The following SON variants were observed in gnomAD, a reference collection of about 807,000 sequenced individuals.
The protein encoded by SON is protein SON.
SON carries 4 observed loss-of-function variants against 173.3 expected under a neutral mutation model. The ratio of observed to expected loss-of-function variants is 0.02; its 90% CI spans 0.01 to 0.05. The LOEUF is 0.05. Ranked by LOEUF, SON falls within the 10% of genes least tolerant of loss-of-function variation. The pLI is 1.00. For synonymous variants in SON, 1,190 were observed against 1,105.9 expected (o/e 1.08, Z -1.51); for missense variants, 2,626 against 3,055.3 (o/e 0.86, Z 3.31).
chr21:33,557,822 T>C, intron 4 of SON: 1 of 721,504 alleles, frequency 1.4e-6, no homozygotes, highest in Non-Finnish European at 2.1e-6. Context: ...GTACCAGCCA[T>C]TGGCGATAAT....
chr21:33,557,912 T>A (rs1420141372), intron 4 of SON: 2 of 217,922 alleles, frequency 9.2e-6, no homozygotes, highest in African/African-American at 2.3e-5. Flanking sequence ...TTTTTGTTTT[T>A]AAAAGTTTGA....
At chr21:33,567,594 T>C (rs1433664194) in intron 7 of SON, 1 of 216,048 alleles carries the variant, frequency 4.6e-6, no homozygotes, top group Non-Finnish European at 9.4e-6. Flanking sequence ...TATTAATAGT[T>C]GCCATATTTC....
In SON at chr21:33,553,049, A is replaced by G. The variant is rs770797378; in HGVS notation, c.3818A>G (p.His1273Arg). 49 of 1,612,750 alleles carry G rather than the reference A, an allele frequency of 3.0e-5. No individual in the cohort carries two copies. Among genetic ancestry groups the G allele is most frequent in the Middle Eastern group, 3.3e-4 (2 of 6,084 alleles). The change falls in exon 3 of 12, where the codon CAT becomes CGT. Residue 1273 changes from histidine to arginine, a missense_variant. Coordinates refer to ENST00000356577, the MANE Select transcript of SON (RefSeq NM_138927.4). ...GAGTCTGCAGTAGTAGCAGAAGAAC[A>G]TGAAGTTGTTCCAGAGAGACCAGTG... is the stretch of plus-strand genomic sequence containing the variant. Reference protein sequence around the residue: ...PVESAVVAEEHEVVPERPVTC... With the variant: ...PVESAVVAEEREVVPERPVTC...
chr21:33,560,086 T>G (rs2086043096), intron 6 of SON: 1 of 1,614,088 alleles, frequency 6.2e-7, no homozygotes, highest in Non-Finnish European at 8.5e-7. Context: ...ACTATTTAGC[T>G]TCCCGATTTG....
In SON at chr21:33,576,939, AGGG is replaced by A. The variant is rs2086414636; in HGVS notation, c.*516_*518del. 1 of 238,058 alleles carries A rather than the reference AGGG, an allele frequency of 4.2e-6. No individual in the cohort carries two copies. The allele number at this position is 238,058 out of a possible 1,614,324, so 14.7% of individuals were successfully genotyped here. ...TGTAACACTTGCCTGTAATCAGTGAAGGGCTGTGCACCTTGTACTATTTCACAA... is the reference window on the plus strand; with the variant it reads ...TGTAACACTTGCCTGTAATCAGTGAACTGTGCACCTTGTACTATTTCACAA... On this transcript the variant is annotated 3_prime_UTR_variant, in exon 12 of 12. Coordinates refer to ENST00000356577, the MANE Select transcript of SON (RefSeq NM_138927.4).
At chr21:33,568,537 C>A (rs1191687105) in intron 7 of SON, among the ~76,000 whole-genome samples, 2 of 152,148 alleles carry the variant, frequency 1.3e-5, no homozygotes, top group East Asian at 3.9e-4. Flanking sequence ...GGACAGTTTC[C>A]TACATTTAAA....
Position 33,550,551 on chromosome 21 carries a change from G to A in SON, c.1320G>A (p.Gly440=), listed in dbSNP as rs751968260. ...PPATAVPELP[G]PSVTPVPQLS... is the part of the protein sequence containing the mutation. Reference sequence around the variant, plus strand: ...CGACAGCAGTGCCTGAGTTGCCAGGGCCCTCTGTGACACCAGTGCCACAGT... The same window carrying A: ...CGACAGCAGTGCCTGAGTTGCCAGGACCCTCTGTGACACCAGTGCCACAGT... The change falls in exon 3 of 12, where the codon GGG becomes GGA. Residue 440 remains glycine, a synonymous_variant. Transcript: ENST00000356577. The A allele has an allele frequency of 6.8e-6, 11 of 1,613,988 alleles. No homozygotes were observed. The South Asian group carries it at 1.2e-4, about 18-fold the overall frequency.
chr21:33,560,588 A>G, intron 6 of SON: 1 of 934,566 alleles, frequency 1.1e-6, no homozygotes, highest in Non-Finnish European at 1.3e-6. Flanking sequence ...GTAAATATAT[A>G]TATATATCTG....
chr21:33,561,293 GAGAA>G, intron 6 of SON, among the ~76,000 whole-genome samples: 1 of 152,198 alleles, frequency 6.6e-6, no homozygotes, highest in South Asian at 2.1e-4. Flanking sequence ...TATCTCAAGA[GAGAA>G]AGGTTAACTG....
chr21:33,575,097 C>T (rs1029059184), intron 9 of SON, among the ~76,000 whole-genome samples: 4 of 152,040 alleles, frequency 2.6e-5, no homozygotes, highest in African/African-American at 9.7e-5. Flanking sequence ...CTGTCAGTGG[C>T]ACGATCTTTA....
intron 1 of SON, 39 bp from the exon 2 acceptor site, chr21:33,546,174 A>C (rs1018603383): frequency 6.5e-7 from 1 of 1,544,980 alleles, no homozygotes; most frequent in Non-Finnish European, 8.8e-7. Flanking sequence ...TAATGGTATG[A>C]TAAAATATTA....
Position 33,559,393 on chromosome 21 carries a change from A to G in SON, c.6468+17A>G. 1 of 1,590,868 alleles carries G rather than the reference A, an allele frequency of 6.3e-7. No homozygotes were observed. Among genetic ancestry groups the G allele is most frequent in the African/African-American group, 1.4e-5 (1 of 73,598 alleles). Reference sequence around the variant, plus strand: ...AATCTGAATGTGAGTATTAGTGCTTATGGATTGGTAAAACAGTGTAACTTG... The same window carrying G: ...AATCTGAATGTGAGTATTAGTGCTTGTGGATTGGTAAAACAGTGTAACTTG... On this transcript the variant is annotated intron_variant, in intron 5 of 11. Coordinates refer to ENST00000356577, the MANE Select transcript of SON (RefSeq NM_138927.4). The surrounding 1 kb of genome is among the most constrained non-coding windows in gnomAD (Gnocchi z 4.1).
At chr21:33,545,780 C>A (rs757417974) in intron 1 of SON, among the ~76,000 whole-genome samples, 1 of 152,150 alleles carries the variant, frequency 6.6e-6, no homozygotes, top group Non-Finnish European at 1.5e-5. Flanking sequence ...TTCCTTGATA[C>A]TATTGATGGT....
chr21:33,569,605 C>T (rs981662335), intron 8 of SON: 5 of 464,532 alleles, frequency 1.1e-5, no homozygotes, highest in Non-Finnish European at 2.2e-5. Context: ...GATCTCTTGG[C>T]CCCCGTTCCT....
At chr21:33,557,013 CTTTTT>C (rs1010720830) in intron 3 of SON, 138 bp from the exon 4 acceptor site, 1 of 524,154 alleles carries the variant, frequency 1.9e-6, no homozygotes, top group African/African-American at 2.2e-5. Flanking sequence ...TAGTTTTTTC[CTTTTT>C]TTTTTTCTTT....
intron 6 of SON, among the ~76,000 whole-genome samples, chr21:33,564,932 T>A (rs969587408): frequency 2.6e-5 from 4 of 152,012 alleles, no homozygotes; most frequent in Admixed American, 1.3e-4. Flanking sequence ...GACATGAACT[T>A]GCAGCTCCCT....
Position 33,576,812 on chromosome 21 carries a change from G to A in SON, c.*388G>A, listed in dbSNP as rs146483317. 259 of 340,138 alleles carry A rather than the reference G, an allele frequency of 7.6e-4. 1 individual carries two copies. The highest frequency in any genetic ancestry group is 5.2e-3 in the Admixed American group (134 of 25,750). The allele number at this position is 340,138 out of a possible 1,614,324, so 21.1% of individuals were successfully genotyped here. ...TTAAGTGGCTAACATCCAAACGACT[G>A]TTTGAAGGCATCAGAGTAATCTTCA... On this transcript the variant is annotated 3_prime_UTR_variant, in exon 12 of 12. Transcript: ENST00000356577.
chr21:33,566,849 G>A (rs1246261258), intron 6 of SON, among the ~76,000 whole-genome samples: 1 of 152,086 alleles, frequency 6.6e-6, no homozygotes, highest in Admixed American at 6.5e-5. Flanking sequence ...AGAGTAGCGA[G>A]TTTTAAGTTC....
rs148121804 is a variant in SON, at chr21:33,559,446, G to A, written c.6468+70G>A. The A allele has an allele frequency of 4.5e-5, 68 of 1,504,618 alleles. No homozygotes were observed. In the Middle Eastern group the frequency reaches 7.1e-4, roughly 16 times the overall value. The allele number at this position is 1,504,618 out of a possible 1,614,324, so 93.2% of individuals were successfully genotyped here. On this transcript the variant is annotated intron_variant, in intron 5 of 11. Coordinates refer to ENST00000356577, the MANE Select transcript of SON (RefSeq NM_138927.4). The surrounding 1 kb of genome is among the most constrained non-coding windows in gnomAD (Gnocchi z 4.1). ...GAACTATTTAAATAAAACCCAAATCGAATTTAGTTTATTAATTTTTGTTTT... is the reference window on the plus strand; with the variant it reads ...GAACTATTTAAATAAAACCCAAATCAAATTTAGTTTATTAATTTTTGTTTT...
Sources: allele counts gnomAD v4.1 joint callset (sites outside exome capture counted in the v4.1 genomes callset), GRCh38; gene constraint gnomAD v4.1.1; non-coding constraint Gnocchi (gnomAD v3.1); transcripts MANE v1.5; gene names NCBI Gene and HGNC (gene_info 2026-07-23, HGNC 2026-07-21).